The following RND1 variants were observed in gnomAD, a reference collection of about 807,000 sequenced individuals.
RND1 encodes the protein Rho family GTPase 1.
RND1 carries 9 observed loss-of-function variants against 27.1 expected under a neutral mutation model. That is an observed-to-expected ratio of 0.33 (90% CI 0.20 to 0.58). The LOEUF (loss-of-function observed/expected upper bound fraction) is 0.58, where lower values mean the gene tolerates loss of function less well. Ranked by LOEUF, RND1 falls within the 20% of genes least tolerant of loss-of-function variation. RND1 has a pLI of 0.86. For missense variants in RND1, 253 were observed against 292.2 expected (o/e 0.87, Z 0.98); for synonymous variants, 108 against 115.7 (o/e 0.93, Z 0.43).
At chr12:48,865,614 G>C in intron 1 of RND1, 34 bp downstream of exon 1, 1 of 1,590,912 alleles carries the variant, frequency 6.3e-7, no homozygotes, top group Non-Finnish European at 8.6e-7. Flanking sequence ...CAGGCAGGGA[G>C]AAAAGCCGGC....
chr12:48,862,525 C>A (rs1217171073), intron 2 of RND1, among the ~76,000 whole-genome samples: 2 of 152,084 alleles, frequency 1.3e-5, no homozygotes, highest in Non-Finnish European at 2.9e-5. Context: ...CCAGGGTCTC[C>A]CCAGTGAAGA....
intron 4 of RND1, among the ~76,000 whole-genome samples, chr12:48,859,655 G>A (rs1184660290): frequency 6.6e-6 from 1 of 152,138 alleles, no homozygotes. Context: ...GGGAGGCCAA[G>A]GTAGGAGAAT....
intron 2 of RND1, among the ~76,000 whole-genome samples, chr12:48,863,155 C>T (rs1938939793): frequency 6.6e-6 from 1 of 152,104 alleles, no homozygotes; most frequent in Admixed American, 6.5e-5. Context: ...TCCAAGCAAT[C>T]CCCCTCCCCT....
At chr12:48,860,054 A>G (rs1363529421) in intron 4 of RND1, among the ~76,000 whole-genome samples, 1 of 148,612 alleles carries the variant, frequency 6.7e-6, no homozygotes, top group Non-Finnish European at 1.5e-5. Flanking sequence ...CTGGGATTAC[A>G]GGCATGAGCC....
intron 1 of RND1, 54 bp from the exon 2 acceptor site, chr12:48,864,924 G>A (rs988292374): frequency 3.0e-6 from 4 of 1,315,828 alleles, no homozygotes; most frequent in Non-Finnish European, 4.4e-6. Flanking sequence ...CAGATCCCCT[G>A]GTTAGTGCTG....
chr12:48,862,014 T>G lies in RND1; in HGVS notation c.313A>C (p.Lys105Gln), dbSNP rs1592210505. ...GAGAGTTGATCTAGTCTTACCTTCT[T>G]GAGTGCGCTGTCCACTGTCTCTGGA... is the stretch of plus-strand genomic sequence containing the variant. Reference protein sequence around the residue: ...SRPETVDSALKKWRTEILDYC... With the variant: ...SRPETVDSALQKWRTEILDYC... Residue 105 changes from lysine (K) to glutamine (Q), a missense_variant, in exon 3 of 5, where the codon AAG becomes CAG. Transcript: ENST00000309739. 1.9e-6 allele frequency: 3 copies of G among 1,575,424 alleles called. No individual in the cohort carries two copies. Among genetic ancestry groups the G allele is most frequent in the East Asian group, 4.5e-5 (2 of 44,722 alleles).
At chr12:48,858,353 A>G in intron 4 of RND1, 112 bp from the exon 5 acceptor site, 1 of 1,214,354 alleles carries the variant, frequency 8.2e-7, no homozygotes, top group Non-Finnish European at 1.1e-6. Flanking sequence ...GCCAGTCTCC[A>G]AACACCACCC....
intron 4 of RND1, among the ~76,000 whole-genome samples, chr12:48,860,077 CTT>C (rs36016980): frequency 2.6e-3 from 320 of 122,702 alleles, no homozygotes; most frequent in Admixed American, 5.4e-3. Context: ...CACACCTGGC[CTT>C]TTTTTTTTTT....
rs150318005 is a variant in RND1, at chr12:48,864,945, C to T, written c.121-75G>A. On this transcript the variant is annotated intron_variant, in intron 1 of 4. Coordinates refer to ENST00000309739, the MANE Select transcript of RND1 (RefSeq NM_014470.4). ...CCCTGGTTAGTGCTGGCTACACACG[C>T]ACTCACCAGAGAGACAGTAAAGTCA... 59 of 1,067,340 alleles carry T rather than the reference C, an allele frequency of 5.5e-5. No homozygotes were observed. In the East Asian group the frequency reaches 1.4e-3, roughly 25 times the overall value. The allele number at this position is 1,067,340 out of a possible 1,614,324, so 66.1% of individuals were successfully genotyped here.
At chr12:48,863,178 T>C (rs942300893) in intron 2 of RND1, among the ~76,000 whole-genome samples, 1 of 152,108 alleles carries the variant, frequency 6.6e-6, no homozygotes, top group Non-Finnish European at 1.5e-5. Context: ...GACTAGCAAG[T>C]AAATAATGGG....
chr12:48,864,888 A>T lies in RND1; in HGVS notation c.121-18T>A. 1 of 1,587,012 alleles carries T rather than the reference A, an allele frequency of 6.3e-7. No individual in the cohort carries two copies. Among genetic ancestry groups the T allele is most frequent in the Non-Finnish European group, 8.7e-7 (1 of 1,155,534 alleles). On this transcript the variant is annotated intron_variant, in intron 1 of 4. Transcript: ENST00000309739. ...ACATAGGTCTGTGAAAAGAGAGGAA[A>T]CATTCACCCCATGCACCCCTACCCT...
rs141121524 is a variant in RND1, at chr12:48,864,416, T to TGTGTGCGC, written c.208+366_208+367insGCGCACAC. Among the ~76,000 whole-genome samples, 1,198 of 135,538 alleles carry TGTGTGCGC rather than the reference T, an allele frequency of 8.8e-3. 21 individuals are homozygous for TGTGTGCGC. The highest frequency in any genetic ancestry group is 0.02 in the African/African-American group (743 of 36,852). 88.9% of individuals were successfully genotyped at this position (135,538 alleles called of 152,430 possible). ...GTGTGTGTGTGTGTGTGTGTGTGTG[T>TGTGTGCGC]GCGCGCGCGCGCGTGTGTGTGCATG... On this transcript the variant is annotated intron_variant, in intron 2 of 4. Coordinates refer to ENST00000309739, the MANE Select transcript of RND1 (RefSeq NM_014470.4).
intron 3 of RND1, 117 bp from the exon 4 acceptor site, chr12:48,861,248 C>T (rs528811536): frequency 5.2e-5 from 50 of 957,374 alleles, no homozygotes; most frequent in Non-Finnish European, 7.0e-5. Context: ...CACTCATCAC[C>T]AGCCCAGTCC....
At chr12:48,863,603 G>A (rs542323134) in intron 2 of RND1, among the ~76,000 whole-genome samples, 6 of 152,166 alleles carry the variant, frequency 3.9e-5, no homozygotes, top group South Asian at 2.1e-4. Context: ...GAACCAGAAC[G>A]CTGCCTCCCA....
intron 2 of RND1, among the ~76,000 whole-genome samples, chr12:48,864,439 A>G (rs1055036852): frequency 9.0e-5 from 11 of 122,400 alleles, no homozygotes; most frequent in African/African-American, 1.9e-4. Flanking sequence ...GTGTGTGTGC[A>G]TGTGTGTACG....
rs1413469758 is a variant in RND1 at position 48,858,413 on chromosome 12, A to C, written c.454-172T>G. On this transcript the variant is annotated intron_variant, in intron 4 of 4. Transcript: ENST00000309739. ...TCTTTTTTTTTTTTTTTTTTGGCAT[A>C]CACCCTGTCTGATGATGCCTCTTTT... 1.5e-4 allele frequency: 93 copies of C among 637,960 alleles called. No homozygotes were observed. The East Asian group carries it at 2.7e-3, about 19-fold the overall frequency. The allele number at this position is 637,960 out of a possible 1,614,324, so 39.5% of individuals were successfully genotyped here. A position where few individuals can be genotyped will look rare whatever the true frequency, so the allele number is the denominator to read the frequency against.
intron 1 of RND1, chr12:48,865,388 G>T: frequency 2.0e-6 from 1 of 510,702 alleles, no homozygotes; most frequent in East Asian, 3.6e-5. Context: ...AGGGACGCAG[G>T]AAGGTGGAGG....
intron 2 of RND1, among the ~76,000 whole-genome samples, chr12:48,864,045 G>T (rs957797040): frequency 7.9e-5 from 12 of 152,076 alleles, no homozygotes; most frequent in Non-Finnish European, 1.8e-4. Flanking sequence ...GAGAGACAGG[G>T]CATATTCTAC....
chr12:48,859,044 T>C (rs1198518368), intron 4 of RND1: 7 of 150,244 alleles, frequency 4.7e-5, no homozygotes, highest in Non-Finnish European at 7.4e-5. Flanking sequence ...CTGCAAGCTC[T>C]GCCTCCCGGG....
Sources: gnomAD v4.1 joint callset for allele counts (sites outside exome capture counted in the v4.1 genomes callset) on GRCh38, gnomAD v4.1.1 for gene constraint, MANE v1.5 for transcripts, NCBI Gene and HGNC (gene_info 2026-07-23, HGNC 2026-07-21) for gene names.